The following ATP9A variants were observed in gnomAD, a reference collection of about 807,000 sequenced individuals.
ATP9A encodes the protein ATPase phospholipid transporting 9A.
ATP9A carries 52 observed loss-of-function variants against 144.1 expected under a neutral mutation model. That is an observed-to-expected ratio of 0.36 (90% CI 0.29 to 0.45). The LOEUF (loss-of-function observed/expected upper bound fraction) is 0.45, where lower values mean the gene tolerates loss of function less well. Ranked by LOEUF, ATP9A falls within the 20% of genes least tolerant of loss-of-function variation. The pLI is 1.00. For synonymous variants in ATP9A, 582 were observed against 557.4 expected (o/e 1.04, Z -0.62); for missense variants, 947 against 1,392.7 (o/e 0.68, Z 5.09).
At chr20:51,624,179 A>T (rs1001987507) in intron 18 of ATP9A, among the ~76,000 whole-genome samples, 3 of 152,200 alleles carry the variant, frequency 2.0e-5, no homozygotes, top group African/African-American at 7.2e-5. Context: ...AATGCAAGCG[A>T]CAGAATTGGG....
intron 4 of ATP9A, among the ~76,000 whole-genome samples, chr20:51,703,170 C>A (rs1245603705): frequency 1.3e-5 from 2 of 152,118 alleles, no homozygotes; most frequent in Non-Finnish European, 2.9e-5. Flanking sequence ...TGAACAACCC[C>A]ACCTCCCACC....
chr20:51,725,113 A>AT (rs139342838), intron 3 of ATP9A, among the ~76,000 whole-genome samples: 10,256 of 151,906 alleles, frequency 0.068, 793 homozygotes, highest in African/African-American at 0.19. Context: ...TTTATTTGGA[A>AT]TTTTTTTGTT....
At chr20:51,739,728 T>C (rs2077777240) in intron 1 of ATP9A, among the ~76,000 whole-genome samples, 1 of 152,174 alleles carries the variant, frequency 6.6e-6, no homozygotes, top group Admixed American at 6.5e-5. Flanking sequence ...GGGAGAGCCC[T>C]GGATGTTCTG....
chr20:51,676,266 G>C (rs2077476905), intron 9 of ATP9A, 58 bp from the exon 10 acceptor site: 1 of 1,361,876 alleles, frequency 7.3e-7, no homozygotes. Flanking sequence ...AGACAGGCAG[G>C]CTTGCAAATA....
At chr20:51,609,746 C>G (rs562688711) in intron 24 of ATP9A, among the ~76,000 whole-genome samples, 1 of 152,312 alleles carries the variant, frequency 6.6e-6, no homozygotes, top group East Asian at 1.9e-4. Context: ...TCAGATCCCC[C>G]ACCCCTTTTT....
In ATP9A at chr20:51,627,398, G is replaced by A. The variant is rs555865808; in HGVS notation, c.1845+202C>T. Among the ~76,000 whole-genome samples the A allele has an allele frequency of 4.6e-5, 7 of 152,310 alleles. No individual in the cohort carries two copies. In the East Asian group the frequency reaches 1.2e-3, roughly 25 times the overall value. ...TTTTGAGCTGAGACCCAAAAGAAGCGAGGAAATGGGCCATGGGGCTCTGTG... is the reference window on the plus strand; with the variant it reads ...TTTTGAGCTGAGACCCAAAAGAAGCAAGGAAATGGGCCATGGGGCTCTGTG... On this transcript the variant is annotated intron_variant, in intron 17 of 27. Transcript: ENST00000338821.
At chr20:51,624,078 C>T (rs1332964015) in intron 18 of ATP9A, among the ~76,000 whole-genome samples, 2 of 152,228 alleles carry the variant, frequency 1.3e-5, no homozygotes, top group African/African-American at 4.8e-5. Flanking sequence ...GCAGACCCCA[C>T]GATGAAGCAG....
intron 23 of ATP9A, among the ~76,000 whole-genome samples, chr20:51,610,836 G>T (rs531744043): frequency 9.9e-5 from 15 of 152,152 alleles, no homozygotes; most frequent in Non-Finnish European, 1.8e-4. Context: ...CGGTATTTGG[G>T]GAAATTTTTG....
intron 4 of ATP9A, 79 bp from the exon 5 acceptor site, chr20:51,697,561 G>T: frequency 7.5e-7 from 1 of 1,339,080 alleles, no homozygotes; most frequent in Non-Finnish European, 1.1e-6. Context: ...TGCCCAGCCT[G>T]CAAACACACA....
chr20:51,686,614 T>G (rs989617689), intron 9 of ATP9A, among the ~76,000 whole-genome samples: 1 of 152,126 alleles, frequency 6.6e-6, no homozygotes, highest in Non-Finnish European at 1.5e-5. Context: ...TAGAAAGACA[T>G]TCAACTATAT....
rs1292621289 is a variant in ATP9A at position 51,768,308 on chromosome 20, CG to C, written c.61del (p.Arg21AlafsTer8). On this transcript the variant is annotated frameshift_variant, in exon 1 of 28. Coordinates refer to ENST00000338821, the MANE Select transcript of ATP9A (RefSeq NM_006045.3). LOFTEE classifies it high-confidence loss of function. ...RQKKRMDSRPRAGCCEWLRCC... is the reference protein window; with the variant it reads ...RQKKRMDSRPXAGCCEWLRCC... The stretch of plus-strand genomic sequence containing the variant: ...CGGGCCCAGGCCCACTCACCCGGCG[CG>C]GGGCCTGCTGTCCATCCGCTTCTTC... 7.7e-7 allele frequency: 1 copy of C among 1,302,936 alleles called. No individual in the cohort carries two copies. Among genetic ancestry groups the C allele is most frequent in the Non-Finnish European group, 9.8e-7 (1 of 1,016,240 alleles). The allele number at this position is 1,302,936 out of a possible 1,614,324, so 80.7% of individuals were successfully genotyped here. A position where few individuals can be genotyped will look rare whatever the true frequency, so the allele number is the denominator to read the frequency against.
chr20:51,669,022 G>A (rs573173628), intron 13 of ATP9A, among the ~76,000 whole-genome samples: 20 of 152,258 alleles, frequency 1.3e-4, no homozygotes, highest in African/African-American at 4.6e-4. Flanking sequence ...CTATTTCGAC[G>A]AATTTAAGCA....
chr20:51,710,496 C>A (rs2077633367), intron 4 of ATP9A, among the ~76,000 whole-genome samples: 1 of 152,164 alleles, frequency 6.6e-6, no homozygotes, highest in African/African-American at 2.4e-5. Flanking sequence ...CTGCAATCTC[C>A]CAGTTTAGGT....
At chr20:51,700,035 T>A (rs1289049377) in intron 4 of ATP9A, among the ~76,000 whole-genome samples, 2 of 152,104 alleles carry the variant, frequency 1.3e-5, no homozygotes, top group Non-Finnish European at 2.9e-5. Context: ...CTAGTGTGAG[T>A]ATTTCACCCT....
intron 1 of ATP9A, among the ~76,000 whole-genome samples, chr20:51,756,113 G>C (rs549789523): frequency 2.0e-5 from 3 of 152,226 alleles, no homozygotes; most frequent in Middle Eastern, 3.4e-3. Flanking sequence ...ATCATAGACT[G>C]GATGGCTTAA....
intron 9 of ATP9A, among the ~76,000 whole-genome samples, chr20:51,681,299 C>T (rs1674262194): frequency 6.6e-6 from 1 of 152,218 alleles, no homozygotes; most frequent in South Asian, 2.1e-4. Flanking sequence ...ACAAGCCCTT[C>T]CAACATTGCT....
chr20:51,674,137 C>A lies in ATP9A; in HGVS notation c.1037+16G>T. On this transcript the variant is annotated intron_variant, in intron 11 of 27. Coordinates refer to ENST00000338821, the MANE Select transcript of ATP9A (RefSeq NM_006045.3). ...AGATGTCACGGCAGCCAAACTCAAG[C>A]TCGTCGCCTGCTTACCTAATGGGGA... The A allele has an allele frequency of 6.2e-7, 1 of 1,612,470 alleles. No homozygotes were observed. The highest frequency in any genetic ancestry group is 1.7e-5 in the Admixed American group (1 of 59,744).
At chr20:51,601,996 GTCTT>G (rs1016179466) in intron 27 of ATP9A, among the ~76,000 whole-genome samples, 3 of 152,230 alleles carry the variant, frequency 2.0e-5, no homozygotes, top group African/African-American at 7.2e-5. Context: ...CAGTTGGAGA[GTCTT>G]TCTAAGTCCC....
In ATP9A at chr20:51,639,448, C is replaced by A. The variant is rs746854206; in HGVS notation, c.1563G>T (p.Gln521His). Residue 521 changes from glutamine (Q) to histidine (H), a missense_variant, in exon 15 of 28, where the codon CAG becomes CAT. Coordinates refer to ENST00000338821, the MANE Select transcript of ATP9A (RefSeq NM_006045.3). ...CAGGGGTCCTCAGCTGCATGGAAGA[C>A]TGGTCTCGGCCCACCAGGGTTAAGC... ...SVGLTLVGRD[Q>H]SSMQLRTPGD... 24 of 1,613,764 alleles carry A rather than the reference C, an allele frequency of 1.5e-5. No individual in the cohort carries two copies.
Sources: gnomAD v4.1 joint callset for allele counts (sites outside exome capture counted in the v4.1 genomes callset) on GRCh38, gnomAD v4.1.1 for gene constraint, MANE v1.5 for transcripts, NCBI Gene and HGNC (gene_info 2026-07-23, HGNC 2026-07-21) for gene names.